Variants in PNKD observed in about 807,000 individuals in gnomAD.
PNKD encodes PNKD metallo-beta-lactamase domain containing, also known as probable thioesterase PNKD.
Under a neutral mutation model 45.3 loss-of-function variants are expected in PNKD, and 36 were observed. The observed-to-expected ratio is 0.80, with a 90% CI of 0.61 to 1.05. The LOEUF (loss-of-function observed/expected upper bound fraction) is 1.05. PNKD is among the 50% of genes least tolerant of loss of function. PNKD has a pLI of 0.00. For synonymous variants in PNKD, 197 were observed against 210.1 expected, an observed-to-expected ratio of 0.94 and a Z score of 0.54; for missense variants, 511 against 506.6, an observed-to-expected ratio of 1.01 and a Z score of -0.08.
intron 2 of PNKD, among the ~76,000 whole-genome samples, chr2:218,329,729 A>G (rs571487816): frequency 6.6e-6 from 1 of 152,370 alleles, no homozygotes; most frequent in Admixed American, 6.5e-5. Flanking sequence ...GCATGCTGGC[A>G]ACTTCGGGGA....
intron 2 of PNKD, among the ~76,000 whole-genome samples, chr2:218,304,042 A>G (rs2382820): frequency 0.97 from 148,405 of 152,264 alleles, 72,398 homozygotes; most frequent in East Asian, 1. Flanking sequence ...AGATGGCAGC[A>G]GAGGTGGAGG....
In PNKD at chr2:218,336,169, C is replaced by T. The variant is rs183696102; in HGVS notation, c.237-3614C>T. The stretch of plus-strand genomic sequence containing the variant: ...GGCAGAGGTTGCAGTGAGCCAAGAT[C>T]GTGCCACTGCACTCCAGCACGGTGA... On this transcript the variant is annotated intron_variant, in intron 2 of 9. Coordinates refer to ENST00000273077, the MANE Select transcript of PNKD (RefSeq NM_015488.5). Among the ~76,000 whole-genome samples, 459 of 136,168 alleles carry T rather than the reference C, an allele frequency of 3.4e-3. 6 individuals carry two copies. Among genetic ancestry groups the T allele is most frequent in the African/African-American group, 0.013 (438 of 34,938 alleles). 89.3% of individuals were successfully genotyped at this position (136,168 alleles called of 152,430 possible).
chr2:218,278,385 T>C lies in PNKD; in HGVS notation c.236+6836T>C, dbSNP rs185931805. The C allele has an allele frequency of 4.2e-4, 404 of 958,612 alleles. 1 individual carries two copies. The African/African-American group carries it at 5.7e-3, about 13-fold the overall frequency. The allele number at this position is 958,612 out of a possible 1,614,324, so 59.4% of individuals were successfully genotyped here. On this transcript the variant is annotated intron_variant, in intron 2 of 9. Coordinates refer to ENST00000273077, the MANE Select transcript of PNKD (RefSeq NM_015488.5). Reference sequence around the variant, plus strand: ...GTATACACCTGAACAGTAGCTGTCATCGTCATCCTCCTCCTCATTTCTTGT... The same window carrying C: ...GTATACACCTGAACAGTAGCTGTCACCGTCATCCTCCTCCTCATTTCTTGT...
At chr2:218,295,295 A>C (rs532437662) in intron 2 of PNKD, among the ~76,000 whole-genome samples, 1 of 152,234 alleles carries the variant, frequency 6.6e-6, no homozygotes, top group Non-Finnish European at 1.5e-5. Context: ...TAGAAATGAG[A>C]AGGCTGAAAG....
intron 2 of PNKD, chr2:218,279,415 G>A (rs1002302428): frequency 2.1e-6 from 3 of 1,461,914 alleles, no homozygotes; most frequent in Non-Finnish European, 2.8e-6. Flanking sequence ...CCAGGAAGCT[G>A]CCAGCCCCCA....
At chr2:218,276,145 G>T (rs1203901682) in intron 2 of PNKD, 4 of 1,553,216 alleles carry the variant, frequency 2.6e-6, no homozygotes, top group Non-Finnish European at 3.5e-6. Flanking sequence ...ACAGGCCCCA[G>T]CTTCCCCCGG....
chr2:218,310,585 T>C (rs1180909560), intron 2 of PNKD, among the ~76,000 whole-genome samples: 1 of 138,708 alleles, frequency 7.2e-6, no homozygotes, highest in Non-Finnish European at 1.5e-5. Context: ...AGATTATTGC[T>C]TTATTGCTTT....
At chr2:218,272,463 G>C (rs1690881347) in intron 2 of PNKD, 12 of 982,676 alleles carry the variant, frequency 1.2e-5, no homozygotes, top group Non-Finnish European at 1.8e-5. Flanking sequence ...GACTATAAGA[G>C]GTATTGCAGC....
intron 2 of PNKD, among the ~76,000 whole-genome samples, chr2:218,292,289 C>A (rs560503245): frequency 1.3e-5 from 2 of 152,332 alleles, no homozygotes; most frequent in East Asian, 3.9e-4. Context: ...GAGAGCGAAA[C>A]GCCAAGGGCC....
intron 2 of PNKD, among the ~76,000 whole-genome samples, chr2:218,339,506 G>C (rs1178776223): frequency 3.3e-5 from 5 of 152,274 alleles, no homozygotes; most frequent in South Asian, 2.1e-4. Flanking sequence ...GATTACAGGT[G>C]TGAGCCACTG....
At chr2:218,319,774 C>T (rs1193002540) in intron 2 of PNKD, among the ~76,000 whole-genome samples, 1 of 152,232 alleles carries the variant, frequency 6.6e-6, no homozygotes, top group Non-Finnish European at 1.5e-5. Flanking sequence ...CAAAAATGTC[C>T]CCAGACATTG....
At chr2:218,286,154 GCC>G (rs1692490275) in intron 2 of PNKD, 1 of 152,798 alleles carries the variant, frequency 6.5e-6, no homozygotes, top group Non-Finnish European at 1.5e-5. Flanking sequence ...CCCACTGGAA[GCC>G]TGAATTTTCC....
rs1694823917 is a variant in PNKD at position 218,346,200 on chromosome 2, G to A, written c.*1219G>A. 1 of 152,630 alleles carries A rather than the reference G, an allele frequency of 6.6e-6. No homozygotes were observed. Among genetic ancestry groups the A allele is most frequent in the Non-Finnish European group, 1.5e-5 (1 of 68,088 alleles). The allele number at this position is 152,630 out of a possible 1,614,324, so 9.5% of individuals were successfully genotyped here. A position where few individuals can be genotyped will look rare whatever the true frequency, so the allele number is the denominator to read the frequency against. On this transcript the variant is annotated 3_prime_UTR_variant, in exon 10 of 10. Coordinates refer to ENST00000273077, the MANE Select transcript of PNKD (RefSeq NM_015488.5). The stretch of plus-strand genomic sequence containing the variant: ...GAGATCCCTTTGGAGCCACAGCGAG[G>A]AACCCTGTGGTCCTCAGGCAGGTGT...
chr2:218,332,369 AAG>A (rs1440896124), intron 2 of PNKD, among the ~76,000 whole-genome samples: 1 of 152,150 alleles, frequency 6.6e-6, no homozygotes, highest in Non-Finnish European at 1.5e-5. Flanking sequence ...CTTTCCCAGA[AAG>A]AGAAGAAGCA....
At chr2:218,272,523 C>T (rs748595284) in intron 2 of PNKD, 2 of 1,602,938 alleles carry the variant, frequency 1.2e-6, no homozygotes, top group Non-Finnish European at 8.5e-7. Flanking sequence ...TCCTCTGGCT[C>T]AGGCTTGGCC....
intron 2 of PNKD, chr2:218,287,332 G>A (rs1185983240): frequency 6.6e-6 from 1 of 152,050 alleles, no homozygotes; most frequent in Non-Finnish European, 1.5e-5. Context: ...CTGAGTGATA[G>A]ACACCAGCAC....
chr2:218,316,268 C>CTTTTTTTTTT (rs397972881), intron 2 of PNKD, among the ~76,000 whole-genome samples: 24 of 119,580 alleles, frequency 2.0e-4, no homozygotes, highest in Middle Eastern at 4.1e-3. Flanking sequence ...TTCTTTCTTT[C>CTTTTTTTTTT]TTTTTTTTTT....
In PNKD at chr2:218,337,112, CT is replaced by C. The variant is rs550833088; in HGVS notation, c.237-2662del. On this transcript the variant is annotated intron_variant, in intron 2 of 9. Coordinates refer to ENST00000273077, the MANE Select transcript of PNKD (RefSeq NM_015488.5). ...ACTGCACCCAGCCTTCAATTCTTTT[CT>C]TTTTTTTTATTGAGATGGAGTCTCA... is the stretch of plus-strand genomic sequence containing the variant. Among the ~76,000 whole-genome samples, 395 of 148,994 alleles carry C rather than the reference CT, an allele frequency of 2.7e-3. 4 individuals are homozygous for C. The highest frequency in any genetic ancestry group is 9.3e-3 in the African/African-American group (380 of 40,690).
Position 218,323,024 on chromosome 2 carries a change from T to C in PNKD, c.237-16759T>C, listed in dbSNP as rs1436036656. On this transcript the variant is annotated intron_variant, in intron 2 of 9. Transcript: ENST00000273077. Reference sequence around the variant, plus strand: ...ATCAGCGCAGGCTCGCGGCCCGCTGTGGCCCCGCCTCCTGGCCGCCAGCCG... The same window carrying C: ...ATCAGCGCAGGCTCGCGGCCCGCTGCGGCCCCGCCTCCTGGCCGCCAGCCG... The C allele has an allele frequency of 9.3e-5, 39 of 421,024 alleles. No individual in the cohort carries two copies. The East Asian group carries it at 1.9e-3, about 21-fold the overall frequency. The allele number at this position is 421,024 out of a possible 1,614,324, so 26.1% of individuals were successfully genotyped here.
Sources: allele counts gnomAD v4.1 joint callset (sites outside exome capture counted in the v4.1 genomes callset), GRCh38; gene constraint gnomAD v4.1.1; transcripts MANE v1.5; gene names NCBI Gene and HGNC (gene_info 2026-07-23, HGNC 2026-07-21).